VAC14: variants seen among roughly 807,000 people sequenced by gnomAD.
VAC14 encodes VAC14 component of PIKFYVE complex.
VAC14 carries 47 observed loss-of-function variants against 85.3 expected under a neutral mutation model. The observed-to-expected ratio is 0.55, with a 90% CI of 0.44 to 0.70. VAC14 has a LOEUF of 0.70. VAC14 is among the 30% of genes least tolerant of loss of function. The pLI is 0.00. For synonymous variants in VAC14, 447 were observed against 430.5 expected (o/e 1.04, Z -0.47); for missense variants, 861 against 1,004.3 (o/e 0.86, Z 1.93).
intron 13 of VAC14, among the ~76,000 whole-genome samples, chr16:70,741,304 A>C (rs1267630330): frequency 6.6e-6 from 1 of 152,232 alleles, no homozygotes; most frequent in African/African-American, 2.4e-5. Context: ...GGAGGGATGA[A>C]TGTGCACTTC....
intron 13 of VAC14, among the ~76,000 whole-genome samples, chr16:70,735,143 G>A (rs140544729): frequency 2.0e-5 from 3 of 152,250 alleles, no homozygotes; most frequent in Non-Finnish European, 4.4e-5. Flanking sequence ...GCACCTGGCC[G>A]CAGCTCTCTG....
rs377160806 is a variant in VAC14 at position 70,744,393 on chromosome 16, T to C, written c.1528+30A>G. 3.1e-5 allele frequency: 50 copies of C among 1,613,234 alleles called. No homozygotes were observed. In the African/African-American group the frequency reaches 5.3e-4, roughly 17 times the overall value. ...GACCCGGCACTGGCACTAAGGCCCC[T>C]GAGGCTAGAACCTTCAGGAGAAGAC... On this transcript the variant is annotated intron_variant, in intron 13 of 18. Transcript: ENST00000261776.
chr16:70,738,653 A>G (rs1318846994), intron 13 of VAC14, among the ~76,000 whole-genome samples: 1 of 152,182 alleles, frequency 6.6e-6, no homozygotes, highest in African/African-American at 2.4e-5. Context: ...CACGGGTATG[A>G]GAGGATGCCA....
intron 12 of VAC14, among the ~76,000 whole-genome samples, chr16:70,745,510 T>TGTGTGG (rs2030793046): frequency 6.8e-6 from 1 of 146,384 alleles, no homozygotes; most frequent in Non-Finnish European, 1.5e-5. Flanking sequence ...TGTGTGTGTG[T>TGTGTGG]GTGTGTGTGC....
intron 17 of VAC14, among the ~76,000 whole-genome samples, chr16:70,694,601 C>T (rs1230081949): frequency 6.6e-6 from 1 of 152,226 alleles, no homozygotes; most frequent in Non-Finnish European, 1.5e-5. Context: ...GTCAGAGACG[C>T]TGCCAGAGAG....
intron 1 of VAC14, among the ~76,000 whole-genome samples, chr16:70,798,447 T>C (rs2034637299): frequency 6.6e-6 from 1 of 152,224 alleles, no homozygotes; most frequent in Admixed American, 6.5e-5. Flanking sequence ...TACAATATCC[T>C]ATGTGTACCT....
intron 18 of VAC14, chr16:70,688,433 G>C: frequency 9.9e-7 from 1 of 1,008,600 alleles, no homozygotes; most frequent in Non-Finnish European, 1.2e-6. Context: ...CAGCCAGCCA[G>C]GAAGCCAGCT....
intron 12 of VAC14, 58 bp from the exon 13 acceptor site, chr16:70,744,637 G>A: frequency 6.6e-7 from 1 of 1,510,448 alleles, no homozygotes; most frequent in South Asian, 1.3e-5. Context: ...GTGCTGACCT[G>A]GGCAGAGGTG....
Position 70,687,866 on chromosome 16 carries a change from G to T in VAC14, c.*62C>A, listed in dbSNP as rs2053525291. 7.2e-7 allele frequency: 1 copy of T among 1,388,796 alleles called. No individual in the cohort carries two copies. The allele number at this position is 1,388,796 out of a possible 1,614,324, so 86.0% of individuals were successfully genotyped here. A position where few individuals can be genotyped will look rare whatever the true frequency, so the allele number is the denominator to read the frequency against. On this transcript the variant is annotated 3_prime_UTR_variant, in exon 19 of 19. Transcript: ENST00000261776. ...GGCAGGTCCTTGAGCTCCTCGGGAG[G>T]GCGTGACGACCCTTAGTGTTTCATG...
intron 10 of VAC14, among the ~76,000 whole-genome samples, chr16:70,766,921 G>A (rs2032860598): frequency 6.6e-6 from 1 of 152,190 alleles, no homozygotes; most frequent in South Asian, 2.1e-4. Context: ...GATGTGCTCA[G>A]TTCCCCAGCT....
At chr16:70,706,899 C>CTCA (rs1336654829) in intron 14 of VAC14, among the ~76,000 whole-genome samples, 2 of 152,222 alleles carry the variant, frequency 1.3e-5, no homozygotes, top group African/African-American at 4.8e-5. Context: ...CACCTGGAGT[C>CTCA]TCACGGCCAA....
In VAC14 at chr16:70,744,387, G is replaced by A. The variant is rs372916549; in HGVS notation, c.1528+36C>T. The stretch of plus-strand genomic sequence containing the variant: ...GCCTAAGACCCGGCACTGGCACTAA[G>A]GCCCCTGAGGCTAGAACCTTCAGGA... On this transcript the variant is annotated intron_variant, in intron 13 of 18. Coordinates refer to ENST00000261776, the MANE Select transcript of VAC14 (RefSeq NM_018052.5). The A allele has an allele frequency of 3.7e-6, 6 of 1,613,062 alleles. No homozygotes were observed. In the African/African-American group the frequency reaches 8.0e-5, roughly 22 times the overall value.
intron 14 of VAC14, among the ~76,000 whole-genome samples, chr16:70,713,703 G>GTTTT: frequency 9.1e-6 from 1 of 109,480 alleles, no homozygotes; most frequent in Non-Finnish European, 2.0e-5. Context: ...GAGCATCTTT[G>GTTTT]TTTTTGTTTT....
At chr16:70,789,975 CCTT>C (rs1414995152) in intron 1 of VAC14, among the ~76,000 whole-genome samples, 3 of 152,204 alleles carry the variant, frequency 2.0e-5, no homozygotes, top group Non-Finnish European at 4.4e-5. Flanking sequence ...TCTCCTGTCT[CCTT>C]GTTTCAGGTC....
intron 14 of VAC14, among the ~76,000 whole-genome samples, chr16:70,724,935 G>T (rs908426542): frequency 6.6e-6 from 1 of 152,228 alleles, no homozygotes; most frequent in Admixed American, 6.5e-5. Flanking sequence ...TAGGTGGATC[G>T]GGGCCTCTTC....
rs370961945 is a variant in VAC14, at chr16:70,785,852, C to T, written c.273G>A (p.Leu91=). Reference sequence around the variant, plus strand: ...TCAGCACTGGCTCGATCAGCTCCTTCAGGTAGAGCCCTGAGTCCTGCAAGG... The same window carrying T: ...TCAGCACTGGCTCGATCAGCTCCTTTAGGTAGAGCCCTGAGTCCTGCAAGG... ...IALGKDSGLY[L]KELIEPVLTC... is the part of the protein sequence containing the mutation. The change falls in exon 3 of 19, where the codon CTG becomes CTA. Residue 91 remains leucine, a synonymous_variant. Transcript: ENST00000261776. 4.6e-5 allele frequency: 74 copies of T among 1,604,962 alleles called. No homozygotes were observed. Among genetic ancestry groups the T allele is most frequent in the Non-Finnish European group, 6.0e-5 (70 of 1,175,440 alleles).
chr16:70,736,208 G>A (rs2054746068), intron 13 of VAC14, among the ~76,000 whole-genome samples: 1 of 152,202 alleles, frequency 6.6e-6, no homozygotes, highest in African/African-American at 2.4e-5. Context: ...TAAAGTGAGT[G>A]CAGTAAGAGC....
At chr16:70,753,100 G>T (rs531521245) in intron 12 of VAC14, among the ~76,000 whole-genome samples, 2 of 151,998 alleles carry the variant, frequency 1.3e-5, no homozygotes, top group East Asian at 3.9e-4. Flanking sequence ...GTGAGATCTG[G>T]CCCAAGTTAC....
intron 1 of VAC14, among the ~76,000 whole-genome samples, chr16:70,789,552 C>T (rs1222187349): frequency 6.6e-6 from 1 of 152,202 alleles, no homozygotes; most frequent in African/African-American, 2.4e-5. Context: ...ACGCGGGAGG[C>T]CCGGGTTCGA....
Sources: gnomAD v4.1 joint callset for allele counts (sites outside exome capture counted in the v4.1 genomes callset) on GRCh38, gnomAD v4.1.1 for gene constraint, MANE v1.5 for transcripts, NCBI Gene and HGNC (gene_info 2026-07-23, HGNC 2026-07-21) for gene names.